The following STK39 variants were observed in gnomAD, a reference collection of about 807,000 sequenced individuals.
The protein encoded by STK39 is serine/threonine kinase 39, also known as STE20/SPS1-related proline-alanine-rich protein kinase.
Under a neutral mutation model 77.8 loss-of-function variants are expected in STK39, and 20 were observed. The ratio of observed to expected loss-of-function variants is 0.26; its 90% CI spans 0.18 to 0.37. The LOEUF is 0.37. Among genes scored for constraint, STK39 ranks in the 10% least tolerant of loss-of-function variants. STK39 has a pLI of 1.00. For missense variants in STK39, 479 were observed against 656.5 expected (o/e 0.73, Z 2.95); for synonymous variants, 246 against 234.1 (o/e 1.05, Z -0.47).
At chr2:168,111,609 T>C (rs1240712274) in intron 10 of STK39, among the ~76,000 whole-genome samples, 1 of 152,190 alleles carries the variant, frequency 6.6e-6, no homozygotes, top group Non-Finnish European at 1.5e-5. Context: ...GTTGATAAAA[T>C]GACCCAACTT....
intron 1 of STK39, among the ~76,000 whole-genome samples, chr2:168,186,717 T>C (rs1317871373): frequency 6.6e-6 from 1 of 152,180 alleles, no homozygotes; most frequent in African/African-American, 2.4e-5. Context: ...ACTCAATAAA[T>C]GTTAGGCTCT....
chr2:168,200,701 A>C (rs1451179324), intron 1 of STK39, among the ~76,000 whole-genome samples: 2 of 151,906 alleles, frequency 1.3e-5, no homozygotes, highest in Non-Finnish European at 2.9e-5. Flanking sequence ...AAATAAAATA[A>C]AATAAAATAA....
At chr2:168,130,042 T>G (rs1687639355) in intron 8 of STK39, among the ~76,000 whole-genome samples, 1 of 152,232 alleles carries the variant, frequency 6.6e-6, no homozygotes, top group South Asian at 2.1e-4. Context: ...GTGAATTTAG[T>G]GTTTCTAAAA....
chr2:168,067,503 T>C (rs1184280277), intron 12 of STK39, among the ~76,000 whole-genome samples: 3 of 152,208 alleles, frequency 2.0e-5, no homozygotes, highest in Non-Finnish European at 4.4e-5. Flanking sequence ...GCTGAGCAGC[T>C]GCCAGCATCA....
intron 10 of STK39, among the ~76,000 whole-genome samples, chr2:168,094,980 G>A (rs1465304285): frequency 2.0e-5 from 3 of 152,064 alleles, no homozygotes; most frequent in African/African-American, 7.2e-5. Context: ...TGCCTTCCAT[G>A]TCCAATCACT....
At chr2:168,130,032 G>A (rs1687639225) in intron 8 of STK39, among the ~76,000 whole-genome samples, 1 of 152,158 alleles carries the variant, frequency 6.6e-6, no homozygotes, top group African/African-American at 2.4e-5. Context: ...ACTTAACTAA[G>A]TGAATTTAGT....
At chr2:168,225,423 T>C (rs1485263096) in intron 1 of STK39, among the ~76,000 whole-genome samples, 1 of 152,218 alleles carries the variant, frequency 6.6e-6, no homozygotes, top group Non-Finnish European at 1.5e-5. Context: ...GTTCCAGGTA[T>C]ATTTTTCAGA....
chr2:168,207,630 C>CA (rs1394848467), intron 1 of STK39, among the ~76,000 whole-genome samples: 4 of 151,794 alleles, frequency 2.6e-5, no homozygotes, highest in Admixed American at 6.6e-5. Flanking sequence ...TGGTGAAATA[C>CA]AAAAAAAATT....
chr2:168,085,913 T>C (rs1386449866), intron 10 of STK39, among the ~76,000 whole-genome samples: 1 of 152,186 alleles, frequency 6.6e-6, no homozygotes, highest in Non-Finnish European at 1.5e-5. Context: ...GGTTGAAGTC[T>C]TTAAGTGCCA....
intron 14 of STK39, among the ~76,000 whole-genome samples, chr2:168,024,445 G>A (rs1684647820): frequency 6.6e-6 from 1 of 152,186 alleles, no homozygotes; most frequent in Non-Finnish European, 1.5e-5. Flanking sequence ...GGCCTAATGA[G>A]AGGTGTTTAG....
At chr2:168,186,923 A>G (rs1559138255) in intron 1 of STK39, among the ~76,000 whole-genome samples, 2 of 152,204 alleles carry the variant, frequency 1.3e-5, no homozygotes, top group Non-Finnish European at 2.9e-5. Flanking sequence ...GAACTAAATG[A>G]TTTCTAAAGT....
chr2:168,186,475 A>C (rs1689211417), intron 1 of STK39, among the ~76,000 whole-genome samples: 1 of 152,212 alleles, frequency 6.6e-6, no homozygotes, highest in Non-Finnish European at 1.5e-5. Flanking sequence ...AGTCAACAGC[A>C]AATGGCAAGA....
At chr2:167,983,441 T>G (rs1574365895) in intron 16 of STK39, among the ~76,000 whole-genome samples, 1 of 95,890 alleles carries the variant, frequency 1.0e-5, no homozygotes, top group African/African-American at 4.5e-5. Flanking sequence ...GCAACAAGAG[T>G]GAAACTCCAT....
chr2:168,091,613 G>A (rs556339450), intron 10 of STK39, among the ~76,000 whole-genome samples: 8 of 152,316 alleles, frequency 5.3e-5, no homozygotes, highest in African/African-American at 1.2e-4. Context: ...ACACGCTGAC[G>A]TTGTGTGTCA....
chr2:168,066,230 G>A lies in STK39; in HGVS notation c.1243-849C>T, dbSNP rs188968656. On this transcript the variant is annotated intron_variant, in intron 12 of 17. Coordinates refer to ENST00000355999, the MANE Select transcript of STK39 (RefSeq NM_013233.3). The stretch of plus-strand genomic sequence containing the variant: ...TAACTATGGTGGTAGTGAAGTAATA[G>A]GGAAAAGTGTATTGATGTCTGCAAT... Among the ~76,000 whole-genome samples the A allele has an allele frequency of 9.9e-5, 15 of 152,276 alleles. No individual in the cohort carries two copies. The East Asian group carries it at 2.9e-3, about 29-fold the overall frequency.
chr2:167,981,635 T>C (rs1023300006), intron 16 of STK39, among the ~76,000 whole-genome samples: 5 of 152,214 alleles, frequency 3.3e-5, no homozygotes, highest in Admixed American at 3.3e-4. Flanking sequence ...TTAACATTTG[T>C]CTTGTATTTT....
intron 1 of STK39, among the ~76,000 whole-genome samples, chr2:168,191,581 A>T (rs1262284962): frequency 6.6e-6 from 1 of 152,102 alleles, no homozygotes. Flanking sequence ...AACCTACTGA[A>T]TCACAATTAT....
At chr2:168,063,401 G>C in intron 14 of STK39, 99 bp downstream of exon 14, 1 of 1,081,944 alleles carries the variant, frequency 9.2e-7, no homozygotes. Flanking sequence ...ATAAGCTAAC[G>C]ATTCTATTTT....
chr2:168,012,726 G>A (rs756295763), intron 15 of STK39, 24 bp from the exon 16 acceptor site: 2 of 1,596,166 alleles, frequency 1.3e-6, no homozygotes, highest in South Asian at 2.2e-5. Flanking sequence ...AAATGAATAT[G>A]TATTAGTAAC....
Sources: gnomAD v4.1 joint callset for allele counts (sites outside exome capture counted in the v4.1 genomes callset) on GRCh38, gnomAD v4.1.1 for gene constraint, MANE v1.5 for transcripts, NCBI Gene and HGNC (gene_info 2026-07-23, HGNC 2026-07-21) for gene names.